TMEM8B: variants seen among roughly 807,000 people sequenced by gnomAD.
TMEM8B encodes the protein nasopharyngeal carcinoma expressed 6.
In TMEM8B, 29 loss-of-function variants were observed where a neutral mutation model predicts 49.3. The ratio of observed to expected loss-of-function variants is 0.59; its 90% CI spans 0.44 to 0.80. TMEM8B has a LOEUF of 0.80. TMEM8B is among the 30% of genes least tolerant of loss of function. TMEM8B has a pLI of 0.00. For missense variants in TMEM8B, 575 were observed against 658.5 expected (o/e 0.87, Z 1.39); for synonymous variants, 264 against 272.8 (o/e 0.97, Z 0.32).
At position 35,853,385 on chromosome 9, in the gene TMEM8B, C is replaced by T; in HGVS notation, c.2440-120C>T. The T allele has an allele frequency of 1.4e-6, 2 of 1,466,542 alleles. No individual in the cohort carries two copies. The highest frequency in any genetic ancestry group is 1.4e-5 in the African/African-American group (1 of 71,862). 90.8% of individuals were successfully genotyped at this position (1,466,542 alleles called of 1,614,324 possible). Reference sequence around the variant, plus strand: ...TCACCTGCTGCTGGCAGTGTCCGCTCCAGTCTTGGCAGGTGTCTTTAGGTC... The same window carrying T: ...TCACCTGCTGCTGGCAGTGTCCGCTTCAGTCTTGGCAGGTGTCTTTAGGTC... On this transcript the variant is annotated intron_variant, in intron 12 of 12. Coordinates refer to ENST00000643932, the MANE Select transcript of TMEM8B (RefSeq NM_001042590.4). The surrounding 1 kb of genome is among the most constrained non-coding windows in gnomAD (Gnocchi z 4.2).
rs1430081761 is a variant in TMEM8B at position 35,842,411 on chromosome 9, G to C, written c.1329G>C (p.Leu443=). The C allele has an allele frequency of 3.3e-6, 5 of 1,537,158 alleles. No homozygotes were observed. The highest frequency in any genetic ancestry group is 4.5e-5 in the East Asian group (2 of 44,098). ...VRLQECPQPG[L]LRALVPGAAM... is the part of the protein sequence containing the mutation. ...CCACAGAGTGCCCACAGCCCGGCCT[G>C]CTCCGAGCCCTGGTCCCTGGAGCTG... Residue 443 remains leucine, a synonymous_variant, in exon 6 of 13, where the codon CTG becomes CTC. Coordinates refer to ENST00000643932, the MANE Select transcript of TMEM8B (RefSeq NM_001042590.4). This position sits in a 1 kb window ranked among gnomAD's most constrained non-coding sequence, Gnocchi z 5.6.
At chr9:35,833,448 G>A (rs1830114967) in intron 1 of TMEM8B, 8 of 802,628 alleles carry the variant, frequency 1.0e-5, no homozygotes, top group Non-Finnish European at 1.2e-5. Context: ...CTCTTCCCCT[G>A]TCTGCTACTG....
chr9:35,836,090 G>T (rs1830424012), intron 3 of TMEM8B, among the ~76,000 whole-genome samples: 1 of 152,214 alleles, frequency 6.6e-6, no homozygotes, highest in African/African-American at 2.4e-5. Flanking sequence ...AGGACTCTTA[G>T]CACTCAGAAA....
Position 35,863,552 on chromosome 9 carries a change from G to A in TMEM8B, c.*9712G>A, listed in dbSNP as rs1273412193. On this transcript the variant is annotated 3_prime_UTR_variant, in exon 13 of 13. Transcript: ENST00000643932. ...GTTCCCATGGTGGCTGGGTTGGGAT[G>A]GGCTAAGTTATGTTGCAGTAACGTA... 1 of 152,176 alleles carries A rather than the reference G, an allele frequency of 6.6e-6. No homozygotes were observed. The highest frequency in any genetic ancestry group is 1.5e-5 in the Non-Finnish European group (1 of 68,042). 9.4% of individuals were successfully genotyped at this position (152,176 alleles called of 1,614,324 possible). A position where few individuals can be genotyped will look rare whatever the true frequency, so the allele number is the denominator to read the frequency against.
At position 35,856,226 on chromosome 9, in the gene TMEM8B, C is replaced by T. The variant is rs2132421926; in HGVS notation, c.*2386C>T. 1 of 152,380 alleles carries T rather than the reference C, an allele frequency of 6.6e-6. No homozygotes were observed. Among genetic ancestry groups the T allele is most frequent in the Non-Finnish European group, 1.5e-5 (1 of 68,054 alleles). The allele number at this position is 152,380 out of a possible 1,614,324, so 9.4% of individuals were successfully genotyped here. ...CCTGTGGTCTTCAGTCAGTAAAGCT[C>T]TTAGAACACTTGTATAGTGCCTAGT... On this transcript the variant is annotated 3_prime_UTR_variant, in exon 13 of 13. Coordinates refer to ENST00000643932, the MANE Select transcript of TMEM8B (RefSeq NM_001042590.4).
chr9:35,845,897 CAG>C (rs1021237775), intron 6 of TMEM8B, 76 bp from the exon 7 acceptor site: 28 of 1,607,078 alleles, frequency 1.7e-5, no homozygotes, highest in African/African-American at 1.7e-4. Flanking sequence ...TGTGGGTTAA[CAG>C]GGGTGGGAGT....
chr9:35,845,471 G>T (rs10972596), intron 6 of TMEM8B: 52,439 of 985,332 alleles, frequency 0.053, 1,494 homozygotes, highest in Non-Finnish European at 0.058. Context: ...TCCCAGCCAG[G>T]TTGCTACATT....
chr9:35,833,771 T>C (rs546544713), intron 1 of TMEM8B, among the ~76,000 whole-genome samples: 2 of 152,288 alleles, frequency 1.3e-5, no homozygotes, highest in African/African-American at 4.8e-5. Context: ...ACTCTCATGG[T>C]GGCCTGCCAG....
Position 35,846,603 on chromosome 9 carries a change from G to C in TMEM8B, c.1988G>C (p.Cys663Ser), listed in dbSNP as rs1286728184. The change falls in exon 9 of 13, where the codon TGC becomes TCC. Residue 663 changes from cysteine to serine, a missense_variant. Cys to Ser is a moderately radical substitution (Grantham distance 112). Coordinates refer to ENST00000643932, the MANE Select transcript of TMEM8B (RefSeq NM_001042590.4). Reference sequence around the variant, plus strand: ...AATTATCTGTACGCAGCCTGCGAGTGCAAGGCCGGTGAGCAGGCTGGCGAG... The same window carrying C: ...AATTATCTGTACGCAGCCTGCGAGTCCAAGGCCGGTGAGCAGGCTGGCGAG... ...THNYLYAACE[C>S]KAGWRGWGCT... 13 of 1,573,310 alleles carry C rather than the reference G, an allele frequency of 8.3e-6. No individual in the cohort carries two copies. The highest frequency in any genetic ancestry group is 1.1e-5 in the Non-Finnish European group (13 of 1,159,158).
At chr9:35,839,542 C>T (rs1204017712) in intron 3 of TMEM8B, among the ~76,000 whole-genome samples, 2 of 152,202 alleles carry the variant, frequency 1.3e-5, no homozygotes, top group Admixed American at 1.3e-4. Flanking sequence ...AAGGAAGGAG[C>T]ACGTCTTAAC....
chr9:35,846,945 CG>C lies in TMEM8B; in HGVS notation c.2126del (p.Arg709HisfsTer47). 6.2e-7 allele frequency: 1 copy of C among 1,614,172 alleles called. No individual in the cohort carries two copies. Among genetic ancestry groups the C allele is most frequent in the African/African-American group, 1.3e-5 (1 of 75,040 alleles). On this transcript the variant is annotated frameshift_variant, in exon 10 of 13. Coordinates refer to ENST00000643932, the MANE Select transcript of TMEM8B (RefSeq NM_001042590.4). LOFTEE classifies it high-confidence loss of function. ...LPPVVLAIRSRYVLEAAVYTF... is the reference protein window; with the variant it reads ...LPPVVLAIRSXYVLEAAVYTF... ...ACCTGTGGTCCTGGCCATTCGGAGT[CG>C]ATATGTGCTGGAAGCTGCAGTCTAC...
At chr9:35,852,105 C>T (rs1268806626) in intron 10 of TMEM8B, among the ~76,000 whole-genome samples, 2 of 152,142 alleles carry the variant, frequency 1.3e-5, no homozygotes, top group Non-Finnish European at 2.9e-5. Flanking sequence ...TTGCTTGGTT[C>T]CTTAATTAGG....
At position 35,842,312 on chromosome 9, in the gene TMEM8B, G is replaced by A. The variant is rs773160373; in HGVS notation, c.1310-80G>A. ...CCTTCCCCACTCTTTGCGAAATCCTGTCTAGCTCAGATGTGTTTATGAGTA... is the reference window on the plus strand; with the variant it reads ...CCTTCCCCACTCTTTGCGAAATCCTATCTAGCTCAGATGTGTTTATGAGTA... On this transcript the variant is annotated intron_variant, in intron 5 of 12. Coordinates refer to ENST00000643932, the MANE Select transcript of TMEM8B (RefSeq NM_001042590.4). The surrounding 1 kb of genome is among the most constrained non-coding windows in gnomAD (Gnocchi z 5.6). 6.1e-6 allele frequency: 7 copies of A among 1,139,596 alleles called. No homozygotes were observed. Among genetic ancestry groups the A allele is most frequent in the African/African-American group, 1.6e-5 (1 of 63,748 alleles). The allele number at this position is 1,139,596 out of a possible 1,614,324, so 70.6% of individuals were successfully genotyped here.
intron 10 of TMEM8B, among the ~76,000 whole-genome samples, chr9:35,852,601 C>T (rs1832248815): frequency 2.0e-5 from 3 of 152,244 alleles, no homozygotes; most frequent in East Asian, 1.9e-4. Flanking sequence ...AGCTCAGGGT[C>T]AGGGTCAGGG....
chr9:35,832,432 A>G lies in TMEM8B; in HGVS notation c.509-2029A>G, dbSNP rs191478468. 5.3e-4 allele frequency among the ~76,000 whole-genome samples: 81 copies of G among 152,150 alleles called. 1 individual carries two copies. The East Asian group carries it at 0.011, about 21-fold the overall frequency. ...TCAGAACTTCTTCCAAGTTCCTCCT[A>G]GCATTCCCAGCTGCTGCTCACTCCT... On this transcript the variant is annotated intron_variant, in intron 1 of 12. Transcript: ENST00000643932.
At chr9:35,840,496 T>TCAAG (rs1024990853) in intron 3 of TMEM8B, among the ~76,000 whole-genome samples, 3 of 152,174 alleles carry the variant, frequency 2.0e-5, no homozygotes, top group African/African-American at 7.2e-5. Context: ...GTTCCTGTTC[T>TCAAG]CAAGCTGCTT....
At position 35,852,893 on chromosome 9, in the gene TMEM8B, T is replaced by C. The variant is rs1832278518; in HGVS notation, c.2242T>C (p.Phe748Leu). ...FCIMDYDVLQ[F>L]CDFLGSLMSV... ...CATCATGGACTACGATGTGCTGCAG[T>C]TCTGTGATTTCCTGGGCTCCTTAAT... Residue 748 changes from phenylalanine (F) to leucine (L), a missense_variant, in exon 11 of 13, where the codon TTC (phenylalanine) becomes CTC (leucine). Coordinates refer to ENST00000643932, the MANE Select transcript of TMEM8B (RefSeq NM_001042590.4). The C allele has an allele frequency of 2.5e-6, 4 of 1,614,156 alleles. No individual in the cohort carries two copies. Among genetic ancestry groups the C allele is most frequent in the Non-Finnish European group, 3.4e-6 (4 of 1,180,028 alleles).
Position 35,853,203 on chromosome 9 carries a change from C to A in TMEM8B, c.2385C>A (p.Leu795=), listed in dbSNP as rs758642243. ...CTCTGCAGCTTGACCGACATGGACTCTGGAACCTGCTTGGACCCAGTCTCT... is the reference window on the plus strand; with the variant it reads ...CTCTGCAGCTTGACCGACATGGACTATGGAACCTGCTTGGACCCAGTCTCT... ...SMALQLDRHG[L]WNLLGPSLFA... is the part of the protein sequence containing the mutation. Residue 795 remains leucine, a synonymous_variant, in exon 12 of 13, where the codon CTC becomes CTA. Transcript: ENST00000643932. This position sits in a 1 kb window ranked among gnomAD's most constrained non-coding sequence, Gnocchi z 4.2. 13 of 1,614,168 alleles carry A rather than the reference C, an allele frequency of 8.1e-6. No individual in the cohort carries two copies. Among genetic ancestry groups the A allele is most frequent in the African/African-American group, 1.3e-5 (1 of 75,046 alleles).
chr9:35,853,921 A>G lies in TMEM8B; in HGVS notation c.*81A>G. 1 of 1,451,776 alleles carries G rather than the reference A, an allele frequency of 6.9e-7. No homozygotes were observed. The highest frequency in any genetic ancestry group is 1.4e-5 in the African/African-American group (1 of 70,648). 89.9% of individuals were successfully genotyped at this position (1,451,776 alleles called of 1,614,324 possible). A position where few individuals can be genotyped will look rare whatever the true frequency, so the allele number is the denominator to read the frequency against. On this transcript the variant is annotated 3_prime_UTR_variant, in exon 13 of 13. Coordinates refer to ENST00000643932, the MANE Select transcript of TMEM8B (RefSeq NM_001042590.4). This position sits in a 1 kb window ranked among gnomAD's most constrained non-coding sequence, Gnocchi z 4.2. ...GGGGGTGTGGAGCCCTCTTAGAAGG[A>G]GACAGGCTGTATTTCTTGAGGACAT...
Sources: allele counts gnomAD v4.1 joint callset (sites outside exome capture counted in the v4.1 genomes callset), GRCh38; gene constraint gnomAD v4.1.1; non-coding constraint Gnocchi (gnomAD v3.1); transcripts MANE v1.5; gene names NCBI Gene and HGNC (gene_info 2026-07-23, HGNC 2026-07-21).